PREP: variants seen among roughly 807,000 people sequenced by gnomAD.
PREP encodes prolyl endopeptidase, also known as dJ355L5.1 (prolyl endopeptidase).
PREP carries 29 observed loss-of-function variants against 87.6 expected under a neutral mutation model. That is an observed-to-expected ratio of 0.33 (90% CI 0.25 to 0.45). The LOEUF (loss-of-function observed/expected upper bound fraction) is 0.45. Among genes scored for constraint, PREP ranks in the 20% least tolerant of loss-of-function variants. The pLI is 1.00. For synonymous variants in PREP, 337 were observed against 328.6 expected, an observed-to-expected ratio of 1.03 and a Z score of -0.28; for missense variants, 695 against 886.5, an observed-to-expected ratio of 0.78 and a Z score of 2.74.
At chr6:105,301,959 A>G (rs1374334720) in intron 10 of PREP, among the ~76,000 whole-genome samples, 1 of 152,246 alleles carries the variant, frequency 6.6e-6, no homozygotes, top group African/African-American at 2.4e-5. Context: ...AAGGAGGCAC[A>G]GCTGGATCTC....
intron 2 of PREP, among the ~76,000 whole-genome samples, chr6:105,382,457 A>G (rs1772869909): frequency 2.0e-5 from 3 of 152,202 alleles, no homozygotes; most frequent in Non-Finnish European, 4.4e-5. Context: ...CGAAATACAG[A>G]TACAGGCTCA....
intron 2 of PREP, among the ~76,000 whole-genome samples, chr6:105,390,870 G>A (rs531861043): frequency 5.3e-5 from 8 of 152,080 alleles, no homozygotes; most frequent in African/African-American, 1.4e-4. Flanking sequence ...TTCCCCCAGC[G>A]ATCGGAGAGA....
chr6:105,294,808 C>T, intron 10 of PREP, among the ~76,000 whole-genome samples: 1 of 152,290 alleles, frequency 6.6e-6, no homozygotes, highest in East Asian at 1.9e-4. Context: ...ATTTCCTTAC[C>T]CCTGGAATAT....
intron 10 of PREP, among the ~76,000 whole-genome samples, chr6:105,316,334 T>C (rs529206921): frequency 6.6e-6 from 1 of 152,320 alleles, no homozygotes; most frequent in East Asian, 1.9e-4. Flanking sequence ...AGCTGACGGA[T>C]GGAGCAGTCA....
chr6:105,368,486 A>G (rs146289029), intron 6 of PREP, among the ~76,000 whole-genome samples: 10 of 152,316 alleles, frequency 6.6e-5, no homozygotes, highest in Non-Finnish European at 1.3e-4. Flanking sequence ...TATGCATGAA[A>G]AGAGCACAGT....
At chr6:105,357,782 G>A (rs1772137648) in intron 6 of PREP, among the ~76,000 whole-genome samples, 1 of 152,128 alleles carries the variant, frequency 6.6e-6, no homozygotes, top group Non-Finnish European at 1.5e-5. Context: ...GATGTGGAGG[G>A]CATGTGACTG....
At chr6:105,385,082 G>A (rs1001009561) in intron 2 of PREP, among the ~76,000 whole-genome samples, 3 of 152,132 alleles carry the variant, frequency 2.0e-5, no homozygotes, top group Non-Finnish European at 4.4e-5. Flanking sequence ...CCATGAGCAG[G>A]CTGGAAAGAG....
chr6:105,388,081 A>G (rs920652797), intron 2 of PREP, among the ~76,000 whole-genome samples: 3 of 152,162 alleles, frequency 2.0e-5, no homozygotes, highest in Non-Finnish European at 4.4e-5. Context: ...GCCAGCATCC[A>G]TGCTCCCTCC....
intron 2 of PREP, among the ~76,000 whole-genome samples, chr6:105,385,352 A>G (rs1474749740): frequency 6.6e-6 from 1 of 151,784 alleles, no homozygotes; most frequent in Non-Finnish European, 1.5e-5. Context: ...TCAAGCAAAG[A>G]TGATGCTACA....
chr6:105,401,105 A>C (rs1773418057), intron 1 of PREP, among the ~76,000 whole-genome samples: 1 of 152,208 alleles, frequency 6.6e-6, no homozygotes, highest in South Asian at 2.1e-4. Context: ...GAGTGTATTA[A>C]AATCCACAGT....
chr6:105,396,778 A>G (rs1336527161), intron 2 of PREP, among the ~76,000 whole-genome samples: 2 of 152,120 alleles, frequency 1.3e-5, no homozygotes, highest in Non-Finnish European at 2.9e-5. Context: ...GAAACTGCAA[A>G]TATGTACTAA....
chr6:105,355,375 T>C (rs1772070501), intron 6 of PREP, among the ~76,000 whole-genome samples: 1 of 152,146 alleles, frequency 6.6e-6, no homozygotes, highest in African/African-American at 2.4e-5. Context: ...GCCAAGGCTG[T>C]AGTTTTAAAT....
At chr6:105,330,388 T>C (rs1048892754) in intron 8 of PREP, among the ~76,000 whole-genome samples, 12 of 152,070 alleles carry the variant, frequency 7.9e-5, no homozygotes, top group Non-Finnish European at 1.8e-4. Flanking sequence ...CCAAGAAGAA[T>C]AGCCAGGGCT....
At chr6:105,373,052 C>T (rs1279966769) in intron 5 of PREP, among the ~76,000 whole-genome samples, 1 of 152,104 alleles carries the variant, frequency 6.6e-6, no homozygotes, top group Non-Finnish European at 1.5e-5. Flanking sequence ...AGCTGAGGGC[C>T]CAGAAATGTA....
Position 105,278,231 on chromosome 6 carries a change from C to G in PREP, c.2046G>C (p.Ala682=). The change falls in exon 15 of 15, where the codon GCG becomes GCC. Residue 682 remains alanine (A), a synonymous_variant. Transcript: ENST00000652536. The surrounding 1 kb of genome is among the most constrained non-coding windows in gnomAD (Gnocchi z 4.2). The stretch of plus-strand genomic sequence containing the variant: ...CTATCACTTTGGCTGTGGGCTTCCC[C>G]GCCCCGTGGCCCGCCTTGGTGTCCA... ...IHVDTKAGHG[A]GKPTAKVIEE... is the part of the protein sequence containing the mutation. 6.2e-7 allele frequency: 1 copy of G among 1,614,196 alleles called. No homozygotes were observed. The highest frequency in any genetic ancestry group is 8.5e-7 in the Non-Finnish European group (1 of 1,180,038).
At chr6:105,317,096 C>A (rs1306827644) in intron 10 of PREP, among the ~76,000 whole-genome samples, 4 of 151,308 alleles carry the variant, frequency 2.6e-5, no homozygotes, top group Non-Finnish European at 5.9e-5. Flanking sequence ...CAGTTGTATA[C>A]CACCGTGCCT....
rs529315451 is a variant in PREP at position 105,379,868 on chromosome 6, T to C, written c.121-2349A>G. The stretch of plus-strand genomic sequence containing the variant: ...CACAAAAAGCCAGAGGGTTGCAGAA[T>C]GGTTGGTTCTAAGGACATACACAGG... On this transcript the variant is annotated intron_variant, in intron 2 of 14. Coordinates refer to ENST00000652536, the MANE Select transcript of PREP (RefSeq NM_002726.5). Among the ~76,000 whole-genome samples the C allele has an allele frequency of 9.2e-5, 14 of 152,334 alleles. No homozygotes were observed. In the South Asian group the frequency reaches 2.1e-3, roughly 23 times the overall value.
intron 10 of PREP, among the ~76,000 whole-genome samples, chr6:105,319,947 C>T (rs562926347): frequency 2.0e-5 from 3 of 152,262 alleles, no homozygotes; most frequent in Middle Eastern, 3.4e-3. Flanking sequence ...CAGTACCTGG[C>T]GTTGCATATC....
rs766084516 is a variant in PREP at position 105,281,729 on chromosome 6, T to C, written c.1838+17A>G. On this transcript the variant is annotated intron_variant, in intron 14 of 14. Transcript: ENST00000652536. ...TATCAAACCACTAACAACATATATA[T>C]GTCAATAAAACCTTACTTGACAAGC... 6.2e-7 allele frequency: 1 copy of C among 1,611,208 alleles called. No individual in the cohort carries two copies. The highest frequency in any genetic ancestry group is 8.5e-7 in the Non-Finnish European group (1 of 1,178,808).
Sources: allele counts gnomAD v4.1 joint callset (sites outside exome capture counted in the v4.1 genomes callset), GRCh38; gene constraint gnomAD v4.1.1; non-coding constraint Gnocchi (gnomAD v3.1); transcripts MANE v1.5; gene names NCBI Gene and HGNC (gene_info 2026-07-23, HGNC 2026-07-21).